Variants in RILPL2 observed in about 807,000 individuals in gnomAD.
The protein encoded by RILPL2 is RILP-like protein 2.
In RILPL2, 19 loss-of-function variants were observed where a neutral mutation model predicts 22.2. That is an observed-to-expected ratio of 0.86 (90% CI 0.60 to 1.25). The LOEUF (loss-of-function observed/expected upper bound fraction) is 1.25. Among genes scored for constraint, RILPL2 ranks in the 50% most tolerant of loss-of-function variants. The probability of loss-of-function intolerance (pLI) is 0.00; values close to 1 mark genes in which losing one functional copy is unlikely to be tolerated. For missense variants in RILPL2, 243 were observed against 263.6 expected, an observed-to-expected ratio of 0.92 and a Z score of 0.54; for synonymous variants, 123 against 111.6, an observed-to-expected ratio of 1.10 and a Z score of -0.64.
At chr12:123,421,958 G>A (rs535997588) in intron 3 of RILPL2, among the ~76,000 whole-genome samples, 2 of 150,122 alleles carry the variant, frequency 1.3e-5, no homozygotes, top group South Asian at 4.2e-4. Flanking sequence ...GTAAGCCACC[G>A]TGCCTGGTCA....
At chr12:123,426,450 C>T (rs1176077573) in intron 2 of RILPL2, among the ~76,000 whole-genome samples, 1 of 151,916 alleles carries the variant, frequency 6.6e-6, no homozygotes. Context: ...ACCTGCCCAG[C>T]TGATATTTTA....
chr12:123,412,103 T>G (rs2139225259), downstream of RILPL2: 1 of 152,156 alleles, frequency 6.6e-6, no homozygotes, highest in South Asian at 2.1e-4. Flanking sequence ...TCTTTCTGAG[T>G]GGGTTCTCTT....
At chr12:123,412,698 T>C (rs1341023326), downstream of RILPL2, 1 of 152,160 alleles carries the variant, frequency 6.6e-6, no homozygotes, top group Non-Finnish European at 1.5e-5. Flanking sequence ...GTGATACCCA[T>C]CCCACAAAAG....
At chr12:123,418,752 C>CTTTCT (rs1423331017) in intron 3 of RILPL2, among the ~76,000 whole-genome samples, 9 of 126,902 alleles carry the variant, frequency 7.1e-5, no homozygotes, top group East Asian at 2.3e-4. Context: ...TTTTCTTTTT[C>CTTTCT]TTTCTTTTTT....
chr12:123,414,783 T>C (rs1879069102), downstream of RILPL2: 1 of 151,944 alleles, frequency 6.6e-6, no homozygotes, highest in Admixed American at 6.6e-5. Flanking sequence ...ACAAAAAAAT[T>C]AGACGAGTGT....
intron 3 of RILPL2, among the ~76,000 whole-genome samples, chr12:123,419,015 CTTT>C (rs763557672): frequency 3.3e-4 from 41 of 123,866 alleles, no homozygotes; most frequent in Non-Finnish European, 5.2e-4. Context: ...CTGCGCCCGG[CTTT>C]TTTTTTTTTT....
chr12:123,411,510 C>T (rs950747052), downstream of RILPL2: 4 of 147,402 alleles, frequency 2.7e-5, no homozygotes, highest in Non-Finnish European at 4.5e-5. Flanking sequence ...ATGATTGCTA[C>T]AGCAACCACC....
At chr12:123,412,758 A>T (rs1462051791), downstream of RILPL2, 1 of 152,220 alleles carries the variant, frequency 6.6e-6, no homozygotes, top group Non-Finnish European at 1.5e-5. Flanking sequence ...GGCGAGGCAT[A>T]CAGTAAATTA....
chr12:123,429,389 G>A (rs939834012), intron 2 of RILPL2, among the ~76,000 whole-genome samples: 2 of 152,046 alleles, frequency 1.3e-5, no homozygotes, highest in African/African-American at 4.8e-5. Flanking sequence ...TCCGCCTTCT[G>A]GTTTCAAGTG....
downstream of RILPL2, chr12:123,411,240 A>G (rs1354789006): frequency 6.6e-6 from 1 of 152,062 alleles, no homozygotes; most frequent in Non-Finnish European, 1.5e-5. Context: ...ACGAGGTTTC[A>G]CCATGTTGGC....
Position 123,436,277 on chromosome 12 carries a change from C to G in RILPL2, c.144G>C (p.Leu48Phe), listed in dbSNP as rs1287151104. The G allele has an allele frequency of 6.2e-7, 1 of 1,607,738 alleles. No homozygotes were observed. The highest frequency in any genetic ancestry group is 8.5e-7 in the Non-Finnish European group (1 of 1,177,456). The change falls in exon 1 of 4, where the codon TTG (leucine) becomes TTC (phenylalanine). Residue 48 changes from leucine to phenylalanine, a missense_variant. Physicochemically the swap from Leu to Phe is conservative, Grantham distance 22. Coordinates refer to ENST00000280571, the MANE Select transcript of RILPL2 (RefSeq NM_145058.3). This position sits in a 1 kb window ranked among gnomAD's most constrained non-coding sequence, Gnocchi z 6.7. Reference protein sequence around the residue: ...AEDVYDISYLLGRELMALGSD... With the variant: ...AEDVYDISYLFGRELMALGSD... ...TGCCCAGGGCCATAAGCTCGCGGCCCAACAGGTAGGAGATGTCATACACGT... is the reference window on the plus strand; with the variant it reads ...TGCCCAGGGCCATAAGCTCGCGGCCGAACAGGTAGGAGATGTCATACACGT...
chr12:123,430,905 G>C (rs1255945187), intron 1 of RILPL2, among the ~76,000 whole-genome samples: 1 of 151,966 alleles, frequency 6.6e-6, no homozygotes, highest in African/African-American at 2.4e-5. Context: ...TGCCTTGTTG[G>C]CCAAGCTGGT....
chr12:123,424,795 G>A (rs888006319), intron 2 of RILPL2, among the ~76,000 whole-genome samples: 2 of 152,094 alleles, frequency 1.3e-5, no homozygotes, highest in African/African-American at 4.8e-5. Context: ...AGTGCCCACT[G>A]GTAAATTTAC....
chr12:123,430,988 C>T (rs911907186), intron 1 of RILPL2, among the ~76,000 whole-genome samples: 8 of 152,210 alleles, frequency 5.3e-5, no homozygotes, highest in Admixed American at 3.3e-4. Flanking sequence ...CGTGAGCCAC[C>T]GCGCCCGGCC....
chr12:123,430,236 C>A (rs1002865937), intron 2 of RILPL2, among the ~76,000 whole-genome samples: 1 of 151,174 alleles, frequency 6.6e-6, no homozygotes, highest in East Asian at 1.9e-4. Context: ...GGTGAAACTC[C>A]GTTTCTACTA....
intron 3 of RILPL2, among the ~76,000 whole-genome samples, chr12:123,419,674 C>T (rs754997670): frequency 2.1e-5 from 3 of 141,160 alleles, no homozygotes; most frequent in African/African-American, 7.9e-5. Context: ...GGTGTGATCT[C>T]AGCTCACTGC....
At chr12:123,413,822 G>T (rs28817269), downstream of RILPL2, 1 of 151,872 alleles carries the variant, frequency 6.6e-6, no homozygotes, top group African/African-American at 2.4e-5. Context: ...CACCAGATTA[G>T]CTAGATACAG....
At chr12:123,422,998 T>G in intron 3 of RILPL2, 46 bp downstream of exon 3, 663 of 1,363,228 alleles carry the variant, frequency 4.9e-4, no homozygotes, top group Middle Eastern at 7.2e-4. Context: ...ACTACTTCCT[T>G]GAGTTATTAT....
chr12:123,423,736 C>T (rs1241019925), intron 2 of RILPL2, among the ~76,000 whole-genome samples: 1 of 151,650 alleles, frequency 6.6e-6, no homozygotes, highest in East Asian at 1.9e-4. Context: ...TCACTGCAAG[C>T]TCCGCCTCCC....
Sources: gnomAD v4.1 joint callset for allele counts (sites outside exome capture counted in the v4.1 genomes callset) on GRCh38, gnomAD v4.1.1 for gene constraint, Gnocchi (gnomAD v3.1) non-coding constraint, MANE v1.5 for transcripts, NCBI Gene and HGNC (gene_info 2026-07-23, HGNC 2026-07-21) for gene names.